Variants in EDRF1 observed in about 807,000 individuals in gnomAD.
EDRF1 encodes erythroid differentiation regulatory factor 1.
EDRF1 carries 69 observed loss-of-function variants against 148.7 expected under a neutral mutation model. The ratio of observed to expected loss-of-function variants is 0.46; its 90% confidence interval spans 0.38 to 0.57. The LOEUF is 0.57. Among genes scored for constraint, EDRF1 ranks in the 20% least tolerant of loss-of-function variants. The pLI is 0.00. For missense variants in EDRF1, 1,118 were observed against 1,478.7 expected (o/e 0.76, Z 4.00); for synonymous variants, 515 against 532.8 (o/e 0.97, Z 0.46).
rs758808673 is a variant in EDRF1 at position 125,737,943 on chromosome 10, A to G, written c.1784A>G (p.His595Arg). ...CCCAGTTGTGCATTTCCAGTTTGCCATGACACAGAAGAGCGCTGTAGACTT... is the reference window on the plus strand; with the variant it reads ...CCCAGTTGTGCATTTCCAGTTTGCCGTGACACAGAAGAGCGCTGTAGACTT... ...IRPSCAFPVCHDTEERCRLVL... is the reference protein window; with the variant it reads ...IRPSCAFPVCRDTEERCRLVL... Residue 595 changes from histidine (H) to arginine (R), a missense_variant, in exon 14 of 25, where the codon CAT becomes CGT. Physicochemically the swap from His to Arg is conservative, Grantham distance 29. This residue lies in a region of EDRF1 where 954 missense variants were observed against 1,241.4 expected (regional missense o/e 0.77). Coordinates refer to ENST00000356792, the MANE Select transcript of EDRF1 (RefSeq NM_001202438.2). 5.0e-6 allele frequency: 8 copies of G among 1,613,928 alleles called. No homozygotes were observed. The highest frequency in any genetic ancestry group is 3.3e-5 in the South Asian group (3 of 91,086).
intron 24 of EDRF1, among the ~76,000 whole-genome samples, chr10:125,757,708 C>T (rs1488001498): frequency 6.6e-6 from 1 of 152,176 alleles, no homozygotes; most frequent in African/African-American, 2.4e-5. Flanking sequence ...GTATAGAATT[C>T]TGGGTTAACA....
intron 15 of EDRF1, among the ~76,000 whole-genome samples, chr10:125,738,771 T>A (rs1239375117): frequency 1.3e-5 from 2 of 152,228 alleles, no homozygotes; most frequent in African/African-American, 4.8e-5. Flanking sequence ...ATATCTTGGC[T>A]TTGCGAGGGC....
At chr10:125,740,438 CTTTT>C (rs761068303) in intron 15 of EDRF1, 21 bp from the exon 16 acceptor site, 1 of 1,592,314 alleles carries the variant, frequency 6.3e-7, no homozygotes, top group Non-Finnish European at 8.6e-7. Flanking sequence ...AATGTGCTGT[CTTTT>C]TTTTTCTCTC....
chr10:125,736,974 A>AGAC (rs2133705969), intron 13 of EDRF1, among the ~76,000 whole-genome samples: 1 of 152,202 alleles, frequency 6.6e-6, no homozygotes, highest in Non-Finnish European at 1.5e-5. Context: ...CTGCAGGTAC[A>AGAC]GACCCTCTAT....
At chr10:125,741,976 G>A (rs922870511) in intron 17 of EDRF1, among the ~76,000 whole-genome samples, 2 of 152,198 alleles carry the variant, frequency 1.3e-5, no homozygotes, top group African/African-American at 2.4e-5. Flanking sequence ...TTACAGGCAC[G>A]AGCCACTGCA....
At chr10:125,745,969 C>T (rs1479016167) in intron 19 of EDRF1, 39 bp downstream of exon 19, 4 of 1,583,504 alleles carry the variant, frequency 2.5e-6, no homozygotes, top group South Asian at 1.1e-5. Flanking sequence ...CACCCATTCA[C>T]ACCTGTCATT....
intron 24 of EDRF1, among the ~76,000 whole-genome samples, chr10:125,758,846 C>T (rs1366491372): frequency 6.6e-6 from 1 of 152,150 alleles, no homozygotes; most frequent in African/African-American, 2.4e-5. Context: ...TCCAGGCAGA[C>T]ACTCGTGTCC....
chr10:125,760,830 A>T (rs549538819), intron 24 of EDRF1, among the ~76,000 whole-genome samples: 24 of 152,368 alleles, frequency 1.6e-4, no homozygotes, highest in African/African-American at 5.8e-4. Context: ...AATAAATAAA[A>T]AATAATACAA....
intron 3 of EDRF1, among the ~76,000 whole-genome samples, chr10:125,723,347 C>T (rs765924541): frequency 1.3e-4 from 20 of 152,160 alleles, no homozygotes; most frequent in Non-Finnish European, 2.8e-4. Flanking sequence ...AATCAATCCC[C>T]AAACACTGGC....
chr10:125,733,378 G>C (rs1210412450), intron 9 of EDRF1, 26 bp from the exon 10 acceptor site: 1 of 1,540,682 alleles, frequency 6.5e-7, no homozygotes, highest in Non-Finnish European at 8.8e-7. Flanking sequence ...CTCTTAAACT[G>C]CTTTCCATCT....
In EDRF1 at chr10:125,719,903, A is replaced by G. The variant is rs1196796107; in HGVS notation, c.96A>G (p.Glu32=). Residue 32 remains glutamate (E), a synonymous_variant, in exon 1 of 25, where the codon GAA becomes GAG. Transcript: ENST00000356792. The part of the protein sequence containing the change: ...LSLLSQGESE[E]SSAQGSALFL... ...TCCTGTCCCAGGGAGAATCCGAGGA[A>G]TCTTCTGCACAGGTGAGTCCTCCGC... The G allele has an allele frequency of 1.2e-6, 2 of 1,613,000 alleles. No individual in the cohort carries two copies. Among genetic ancestry groups the G allele is most frequent in the Middle Eastern group, 1.7e-4 (1 of 6,060 alleles).
Position 125,747,945 on chromosome 10 carries a change from G to C in EDRF1, c.3056G>C (p.Cys1019Ser), listed in dbSNP as rs1564748509. The C allele has an allele frequency of 1.2e-6, 2 of 1,614,210 alleles. No individual in the cohort carries two copies. Among genetic ancestry groups the C allele is most frequent in the Admixed American group, 3.3e-5 (2 of 60,028 alleles). ...VDSVSARQPL[C>S]QYRAATIHHR... ...TCAGTGTCTGCTCGACAGCCCCTTT[G>C]TCAGTATCGAGCTGCAACCATCCAT... Residue 1019 changes from cysteine (C) to serine (S), a missense_variant, in exon 21 of 25, where the codon TGT (cysteine) becomes TCT (serine). Physicochemically the swap from Cys to Ser is moderately radical, Grantham distance 112. Coordinates refer to ENST00000356792, the MANE Select transcript of EDRF1 (RefSeq NM_001202438.2).
At position 125,729,482 on chromosome 10, in the gene EDRF1, G is replaced by A. The variant is rs1243643534; in HGVS notation, c.1016+3G>A. On this transcript the variant is annotated splice_donor_region_variant and intron_variant, in intron 8 of 24. Coordinates refer to ENST00000356792, the MANE Select transcript of EDRF1 (RefSeq NM_001202438.2). ...CCAGCAGTCAGCTTACGTCTCAGGT[G>A]AACTAACATCATACCCCTCCTCAAG... 4 of 1,614,026 alleles carry A rather than the reference G, an allele frequency of 2.5e-6. No homozygotes were observed. The highest frequency in any genetic ancestry group is 1.1e-5 in the South Asian group (1 of 91,080).
chr10:125,743,268 A>G lies in EDRF1; in HGVS notation c.2582A>G (p.Glu861Gly), dbSNP rs975912023. ...AATCAGGCTGCTGCATTACAGAGTG[A>G]GAGACTAGGTGAGTATCTCTTTAGA... ...YMNQAAALQS[E>G]RLVSKSVSAA... The change falls in exon 18 of 25, where the codon GAG becomes GGG. Residue 861 changes from glutamate to glycine, a missense_variant. By Grantham distance (98) the Glu-to-Gly change is moderately conservative. Coordinates refer to ENST00000356792, the MANE Select transcript of EDRF1 (RefSeq NM_001202438.2). The G allele has an allele frequency of 2.5e-6, 4 of 1,612,618 alleles. No individual in the cohort carries two copies. The highest frequency in any genetic ancestry group is 2.5e-6 in the Non-Finnish European group (3 of 1,178,956).
At chr10:125,759,922 G>A (rs1850110682) in intron 24 of EDRF1, among the ~76,000 whole-genome samples, 1 of 152,156 alleles carries the variant, frequency 6.6e-6, no homozygotes, top group African/African-American at 2.4e-5. Context: ...GTGTTAGCCA[G>A]GATGGTCTCG....
intron 24 of EDRF1, among the ~76,000 whole-genome samples, chr10:125,760,205 T>A (rs1188632784): frequency 6.6e-6 from 1 of 152,248 alleles, no homozygotes; most frequent in Non-Finnish European, 1.5e-5. Context: ...GTAAAGTTTT[T>A]AAATTTGTAT....
At position 125,729,042 on chromosome 10, in the gene EDRF1, G is replaced by A; in HGVS notation, c.832G>A (p.Val278Met). 2 of 1,583,426 alleles carry A rather than the reference G, an allele frequency of 1.3e-6. No homozygotes were observed. The highest frequency in any genetic ancestry group is 1.7e-6 in the Non-Finnish European group (2 of 1,172,262). ...PLEPSYIVGH[V>M]ASAPKEQNLI... The stretch of plus-strand genomic sequence containing the variant: ...TGAACCCTCATACATAGTGGGGCAT[G>A]TGGCCTCAGCCCCCAAAGAACAAAA... The change falls in exon 7 of 25, where the codon GTG becomes ATG. Residue 278 changes from valine (V) to methionine (M), a missense_variant. Physicochemically the swap from Val to Met is conservative, Grantham distance 21. Transcript: ENST00000356792.
At chr10:125,757,858 C>A (rs1849990524) in intron 24 of EDRF1, among the ~76,000 whole-genome samples, 1 of 152,206 alleles carries the variant, frequency 6.6e-6, no homozygotes, top group Non-Finnish European at 1.5e-5. Context: ...CCTCACCCCC[C>A]AGCAGTTTAA....
chr10:125,729,212 A>T, intron 7 of EDRF1, 108 bp downstream of exon 7: 19 of 1,448,198 alleles, frequency 1.3e-5, no homozygotes, highest in Non-Finnish European at 1.8e-5. Flanking sequence ...TTGATCCTGA[A>T]ACTGCTTTCT....
Sources: allele counts gnomAD v4.1 joint callset (sites outside exome capture counted in the v4.1 genomes callset), GRCh38; gene constraint gnomAD v4.1.1; regional missense constraint gnomAD v4.1.1; transcripts MANE v1.5; gene names NCBI Gene and HGNC (gene_info 2026-07-23, HGNC 2026-07-21).